Variants in NUDCD1 observed in about 807,000 individuals in gnomAD.
The protein encoded by NUDCD1 is NudC domain containing 1.
In NUDCD1, 60 loss-of-function variants were observed where a neutral mutation model predicts 67.8. The observed-to-expected ratio is 0.88, with a 90% CI of 0.72 to 1.10. The LOEUF is 1.10. Among genes scored for constraint, NUDCD1 ranks in the 50% least tolerant of loss-of-function variants. NUDCD1 has a pLI of 0.00. For synonymous variants in NUDCD1, 244 were observed against 230.8 expected (o/e 1.06, Z -0.52); for missense variants, 643 against 695.0 (o/e 0.93, Z 0.84).
chr8:109,327,701 A>G (rs569539241), intron 1 of NUDCD1, among the ~76,000 whole-genome samples: 2 of 152,326 alleles, frequency 1.3e-5, no homozygotes, highest in South Asian at 4.1e-4. Context: ...ATTCAAGGCT[A>G]ATTCCCACAC....
chr8:109,331,153 C>T (rs1023284056), intron 1 of NUDCD1, among the ~76,000 whole-genome samples: 6 of 151,920 alleles, frequency 3.9e-5, no homozygotes, highest in African/African-American at 1.5e-4. Context: ...CCAGCTTGGC[C>T]AAGATAGTAA....
intron 2 of NUDCD1, among the ~76,000 whole-genome samples, chr8:109,321,398 A>G (rs973717454): frequency 2.0e-5 from 3 of 152,198 alleles, no homozygotes; most frequent in African/African-American, 7.2e-5. Context: ...TTAGAGGCAG[A>G]CTGTGGTAAG....
intron 8 of NUDCD1, among the ~76,000 whole-genome samples, chr8:109,254,925 T>A (rs1401525325): frequency 6.6e-6 from 1 of 152,186 alleles, no homozygotes; most frequent in Non-Finnish European, 1.5e-5. Context: ...TTTACTGTGT[T>A]CTTACTATGC....
intron 8 of NUDCD1, among the ~76,000 whole-genome samples, chr8:109,254,707 T>TA (rs1813691249): frequency 6.6e-6 from 1 of 152,090 alleles, no homozygotes; most frequent in Non-Finnish European, 1.5e-5. Flanking sequence ...TTATTCTCTG[T>TA]AGAACACTTA....
At chr8:109,249,097 A>G (rs1489882685) in intron 8 of NUDCD1, among the ~76,000 whole-genome samples, 1 of 152,176 alleles carries the variant, frequency 6.6e-6, no homozygotes, top group Admixed American at 6.5e-5. Flanking sequence ...TTTGGGTAGG[A>G]TATTTAAACC....
At chr8:109,252,332 T>C (rs940754184) in intron 8 of NUDCD1, among the ~76,000 whole-genome samples, 7 of 152,142 alleles carry the variant, frequency 4.6e-5, no homozygotes, top group African/African-American at 7.2e-5. Flanking sequence ...CCTCAAGGCA[T>C]AGAGATGGTG....
At chr8:109,328,367 AC>A (rs2130151634) in intron 1 of NUDCD1, among the ~76,000 whole-genome samples, 1 of 152,220 alleles carries the variant, frequency 6.6e-6, no homozygotes, top group South Asian at 2.1e-4. Context: ...GTTGACTTCA[AC>A]CTCCTTGAGT....
chr8:109,332,363 G>T (rs553514246), intron 1 of NUDCD1, among the ~76,000 whole-genome samples: 4 of 152,110 alleles, frequency 2.6e-5, no homozygotes, highest in Non-Finnish European at 5.9e-5. Flanking sequence ...AGCAGACAGT[G>T]GCTAAAAGAA....
intron 8 of NUDCD1, among the ~76,000 whole-genome samples, chr8:109,259,321 T>A (rs551520483): frequency 6.6e-6 from 1 of 152,346 alleles, no homozygotes; most frequent in African/African-American, 2.4e-5. Context: ...TCTGGGTTAA[T>A]GCTATTGCTG....
At chr8:109,333,109 TAAATC>T (rs1245181578) in intron 1 of NUDCD1, among the ~76,000 whole-genome samples, 1 of 152,260 alleles carries the variant, frequency 6.6e-6, no homozygotes. Flanking sequence ...CTGAATTTAA[TAAATC>T]AATTAGCATA....
chr8:109,274,572 G>A (rs927820214), intron 7 of NUDCD1, among the ~76,000 whole-genome samples: 2 of 152,038 alleles, frequency 1.3e-5, no homozygotes, highest in African/African-American at 4.8e-5. Flanking sequence ...ATTACTACTG[G>A]CAAACATGAA....
At chr8:109,248,397 A>G (rs923861356) in intron 8 of NUDCD1, among the ~76,000 whole-genome samples, 1 of 152,242 alleles carries the variant, frequency 6.6e-6, no homozygotes, top group Non-Finnish European at 1.5e-5. Context: ...CTTCTTAGGA[A>G]CTAGAAGTCT....
At chr8:109,253,054 C>T (rs1316652374) in intron 8 of NUDCD1, among the ~76,000 whole-genome samples, 1 of 152,198 alleles carries the variant, frequency 6.6e-6, no homozygotes, top group Admixed American at 6.5e-5. Context: ...TCCCTGGCTT[C>T]TGCTAACAGA....
chr8:109,269,431 G>A (rs1814088513), intron 8 of NUDCD1, among the ~76,000 whole-genome samples: 1 of 152,108 alleles, frequency 6.6e-6, no homozygotes, highest in Non-Finnish European at 1.5e-5. Context: ...AAATAAAGCT[G>A]GTAAGTATCC....
Position 109,296,341 on chromosome 8 carries a change from A to G in NUDCD1, c.459+43T>C, listed in dbSNP as rs1333959643. 2.0e-6 allele frequency: 3 copies of G among 1,486,106 alleles called. No homozygotes were observed. The South Asian group carries it at 3.5e-5, about 17-fold the overall frequency. The allele number at this position is 1,486,106 out of a possible 1,614,324, so 92.1% of individuals were successfully genotyped here. A position where few individuals can be genotyped will look rare whatever the true frequency, so the allele number is the denominator to read the frequency against. On this transcript the variant is annotated intron_variant, in intron 3 of 9. Transcript: ENST00000239690. ...TTAAAATAAGTAGGGTGTAATTTACATATACTTTCTGGACTTCGCATAAGT... is the reference window on the plus strand; with the variant it reads ...TTAAAATAAGTAGGGTGTAATTTACGTATACTTTCTGGACTTCGCATAAGT...
At chr8:109,278,149 A>C (rs1814340287) in intron 6 of NUDCD1, among the ~76,000 whole-genome samples, 1 of 152,222 alleles carries the variant, frequency 6.6e-6, no homozygotes, top group South Asian at 2.1e-4. Flanking sequence ...GTTGTATTTT[A>C]AATCAACCAT....
intron 2 of NUDCD1, among the ~76,000 whole-genome samples, chr8:109,305,740 C>T (rs974038969): frequency 2.6e-5 from 4 of 152,090 alleles, no homozygotes; most frequent in Admixed American, 6.5e-5. Context: ...CCCTCAAATT[C>T]TACAACCTTG....
chr8:109,314,030 T>C (rs571625117), intron 2 of NUDCD1: 1 of 343,198 alleles, frequency 2.9e-6, no homozygotes, highest in South Asian at 2.3e-5. Flanking sequence ...AGTTTAATTT[T>C]AAATGGACTA....
chr8:109,276,262 G>A (rs78580405), intron 6 of NUDCD1, among the ~76,000 whole-genome samples: 3,150 of 152,242 alleles, frequency 0.021, 111 homozygotes, highest in African/African-American at 0.072. Context: ...CATAGGAGAA[G>A]AAGTAACTTG....
Sources: gnomAD v4.1 joint callset for allele counts (sites outside exome capture counted in the v4.1 genomes callset) on GRCh38, gnomAD v4.1.1 for gene constraint, MANE v1.5 for transcripts, NCBI Gene and HGNC (gene_info 2026-07-23, HGNC 2026-07-21) for gene names.